The following PPM1H variants were observed in gnomAD, a reference collection of about 807,000 sequenced individuals.
PPM1H encodes protein phosphatase, Mg2+/Mn2+ dependent 1H.
Under a neutral mutation model 54.9 loss-of-function variants are expected in PPM1H, and 27 were observed. That is an observed-to-expected ratio of 0.49 (90% CI 0.36 to 0.68). The LOEUF is 0.68. Ranked by LOEUF, PPM1H falls within the 30% of genes least tolerant of loss-of-function variation. PPM1H has a pLI of 0.00. For synonymous variants in PPM1H, 305 were observed against 270.8 expected, an observed-to-expected ratio of 1.13 and a Z score of -1.24; for missense variants, 596 against 667.8, an observed-to-expected ratio of 0.89 and a Z score of 1.19.
At chr12:62,861,111 A>T (rs1012985965) in intron 1 of PPM1H, among the ~76,000 whole-genome samples, 1 of 152,222 alleles carries the variant, frequency 6.6e-6, no homozygotes, top group African/African-American at 2.4e-5. Context: ...ATTTATTGAG[A>T]TTAGCATCAG....
At chr12:62,793,861 CA>C (rs2076715826) in intron 3 of PPM1H, among the ~76,000 whole-genome samples, 1 of 151,556 alleles carries the variant, frequency 6.6e-6, no homozygotes, top group Non-Finnish European at 1.5e-5. Context: ...TTGAAAGTCT[CA>C]TAGATGATGC....
In PPM1H at chr12:62,934,987, C is replaced by A; in HGVS notation, c.-251G>T. The A allele has an allele frequency of 4.1e-6, 1 of 244,890 alleles. No individual in the cohort carries two copies. The highest frequency in any genetic ancestry group is 7.6e-6 in the Non-Finnish European group (1 of 131,392). The allele number at this position is 244,890 out of a possible 1,614,324, so 15.2% of individuals were successfully genotyped here. ...ACGGAGCTGCATGGAGCGGGCCGAC[C>A]GGGGGAGTCACCGCGCGCTCCAGGA... On this transcript the variant is annotated 5_prime_UTR_variant, in exon 1 of 10. Transcript: ENST00000228705. This position sits in a 1 kb window ranked among gnomAD's most constrained non-coding sequence, Gnocchi z 4.2.
At chr12:62,885,780 C>G (rs1042376697) in intron 1 of PPM1H, among the ~76,000 whole-genome samples, 1 of 152,160 alleles carries the variant, frequency 6.6e-6, no homozygotes, top group Non-Finnish European at 1.5e-5. Flanking sequence ...AATTTTAAAA[C>G]ATGGAATACT....
intron 4 of PPM1H, among the ~76,000 whole-genome samples, chr12:62,756,517 T>C (rs1028118619): frequency 1.4e-4 from 22 of 151,972 alleles, no homozygotes; most frequent in African/African-American, 5.1e-4. Flanking sequence ...GAAGGAAACA[T>C]GTACATGAAC....
chr12:62,885,288 T>C (rs1870549027), intron 1 of PPM1H, among the ~76,000 whole-genome samples: 1 of 152,116 alleles, frequency 6.6e-6, no homozygotes, highest in Admixed American at 6.6e-5. Context: ...CCCTGTTTTC[T>C]TGTTGGCTAT....
intron 4 of PPM1H, among the ~76,000 whole-genome samples, chr12:62,783,828 C>A (rs897940431): frequency 6.6e-6 from 1 of 152,114 alleles, no homozygotes; most frequent in African/African-American, 2.4e-5. Context: ...AGTTGCTAAA[C>A]CTTTAGACAT....
At chr12:62,889,243 T>C (rs769037477) in intron 1 of PPM1H, among the ~76,000 whole-genome samples, 4 of 152,158 alleles carry the variant, frequency 2.6e-5, no homozygotes, top group Non-Finnish European at 4.4e-5. Flanking sequence ...TTTCAGCACA[T>C]TATTTTGTGG....
intron 1 of PPM1H, among the ~76,000 whole-genome samples, chr12:62,880,967 C>A (rs999244925): frequency 2.0e-5 from 3 of 152,182 alleles, no homozygotes; most frequent in African/African-American, 4.8e-5. Context: ...GGTCCACAGG[C>A]ACTTCAGAAC....
intron 2 of PPM1H, among the ~76,000 whole-genome samples, chr12:62,814,085 AT>A (rs1425143728): frequency 6.6e-6 from 1 of 151,700 alleles, no homozygotes; most frequent in Non-Finnish European, 1.5e-5. Flanking sequence ...TTGGGGGTGC[AT>A]TTTTTTTCTA....
At chr12:62,768,256 A>G (rs1295075596) in intron 4 of PPM1H, among the ~76,000 whole-genome samples, 1 of 152,130 alleles carries the variant, frequency 6.6e-6, no homozygotes, top group Non-Finnish European at 1.5e-5. Flanking sequence ...AGTCAGCTCC[A>G]CCATACCACA....
intron 4 of PPM1H, among the ~76,000 whole-genome samples, chr12:62,776,018 G>A (rs371160563): frequency 1.3e-4 from 20 of 152,344 alleles, no homozygotes; most frequent in African/African-American, 4.6e-4. Flanking sequence ...AGGCAAGAGA[G>A]CATGTGAAGG....
chr12:62,882,264 G>C (rs1248235140), intron 1 of PPM1H, among the ~76,000 whole-genome samples: 2 of 152,170 alleles, frequency 1.3e-5, no homozygotes, highest in African/African-American at 4.8e-5. Flanking sequence ...TTGTAGACTG[G>C]ACAGTCCCTG....
intron 1 of PPM1H, among the ~76,000 whole-genome samples, chr12:62,856,201 T>C (rs1398287782): frequency 6.6e-6 from 1 of 152,212 alleles, no homozygotes; most frequent in African/African-American, 2.4e-5. Context: ...TGTACAACTA[T>C]GTCTTCTCCA....
chr12:62,708,204 CCT>C (rs2076185948), intron 6 of PPM1H, among the ~76,000 whole-genome samples: 2 of 152,200 alleles, frequency 1.3e-5, no homozygotes, highest in South Asian at 4.1e-4. Flanking sequence ...AAAACTTTAG[CCT>C]CTCTCTTAAT....
At chr12:62,863,600 T>G (rs1869680613) in intron 1 of PPM1H, among the ~76,000 whole-genome samples, 1 of 152,160 alleles carries the variant, frequency 6.6e-6, no homozygotes, top group South Asian at 2.1e-4. Flanking sequence ...TCCATAAGCC[T>G]AAGTTTGGAA....
At chr12:62,732,814 A>G (rs1207459747) in intron 5 of PPM1H, among the ~76,000 whole-genome samples, 2 of 152,142 alleles carry the variant, frequency 1.3e-5, no homozygotes, top group African/African-American at 4.8e-5. Flanking sequence ...TAATGACTCT[A>G]TCATAGATGT....
rs1156260015 is a variant in PPM1H, at chr12:62,838,875, C to G, written c.246-6596G>C. 2.3e-5 allele frequency among the ~76,000 whole-genome samples: 2 copies of G among 86,336 alleles called. 1 individual carries two copies. The highest frequency in any genetic ancestry group is 7.7e-4 in the South Asian group (2 of 2,612). 56.6% of individuals were successfully genotyped at this position (86,336 alleles called of 152,430 possible). A position where few individuals can be genotyped will look rare whatever the true frequency, so the allele number is the denominator to read the frequency against. ...GGCGGAGCTTGCAGTGAGCCGAGATCGCGCCACTGCACTCCAGCCTGGGCG... is the reference window on the plus strand; with the variant it reads ...GGCGGAGCTTGCAGTGAGCCGAGATGGCGCCACTGCACTCCAGCCTGGGCG... On this transcript the variant is annotated intron_variant, in intron 1 of 9. Transcript: ENST00000228705.
intron 1 of PPM1H, among the ~76,000 whole-genome samples, chr12:62,924,053 T>C (rs1278491781): frequency 6.6e-6 from 1 of 152,242 alleles, no homozygotes; most frequent in East Asian, 1.9e-4. Context: ...AGATGACAGA[T>C]TTGATTATGT....
At chr12:62,777,498 T>C (rs2076618004) in intron 4 of PPM1H, among the ~76,000 whole-genome samples, 1 of 152,208 alleles carries the variant, frequency 6.6e-6, no homozygotes, top group African/African-American at 2.4e-5. Flanking sequence ...TTACTCTGCT[T>C]ATACTTTATC....
Sources: gnomAD v4.1 joint callset for allele counts (sites outside exome capture counted in the v4.1 genomes callset) on GRCh38, gnomAD v4.1.1 for gene constraint, Gnocchi (gnomAD v3.1) non-coding constraint, MANE v1.5 for transcripts, NCBI Gene and HGNC (gene_info 2026-07-23, HGNC 2026-07-21) for gene names.